C12orf56: variants seen among roughly 807,000 people sequenced by gnomAD.
The protein encoded by C12orf56 is uncharacterized protein C12orf56.
A neutral mutation model predicts 69.9 loss-of-function variants in C12orf56; 71 were observed. The observed-to-expected ratio is 1.02, with a 90% CI of 0.84 to 1.24. C12orf56 has a LOEUF of 1.24. Among genes scored for constraint, C12orf56 ranks in the 50% most tolerant of loss-of-function variants. C12orf56 has a pLI of 0.00. For synonymous variants in C12orf56, 276 were observed against 274.1 expected (o/e 1.01, Z -0.07); for missense variants, 732 against 738.5 (o/e 0.99, Z 0.10).
intron 1 of C12orf56, among the ~76,000 whole-genome samples, chr12:64,387,006 G>A (rs2039800681): frequency 7.3e-6 from 1 of 136,380 alleles, no homozygotes; most frequent in South Asian, 2.4e-4. Context: ...TTGAACCCAG[G>A]AGGCAGAGGT....
chr12:64,333,067 C>A (rs1294582750), intron 2 of C12orf56, among the ~76,000 whole-genome samples: 1 of 152,150 alleles, frequency 6.6e-6, no homozygotes, highest in Non-Finnish European at 1.5e-5. Context: ...CAAATAATGC[C>A]TTTGTATATT....
intron 1 of C12orf56, among the ~76,000 whole-genome samples, chr12:64,367,352 T>C (rs1212832635): frequency 7.0e-6 from 1 of 142,004 alleles, no homozygotes; most frequent in Non-Finnish European, 1.5e-5. Context: ...TATTATATTA[T>C]ATTATATTAT....
intron 1 of C12orf56, among the ~76,000 whole-genome samples, chr12:64,366,364 TTA>T (rs530291256): frequency 5.3e-5 from 3 of 56,410 alleles, no homozygotes; most frequent in African/African-American, 7.3e-5. Context: ...TATATACAGT[TTA>T]TATATATTAT....
intron 8 of C12orf56, among the ~76,000 whole-genome samples, chr12:64,280,732 A>G (rs2038111466): frequency 6.6e-6 from 1 of 152,190 alleles, no homozygotes; most frequent in Admixed American, 6.5e-5. Flanking sequence ...GAAACAAGCC[A>G]CCTGAGTCCC....
intron 2 of C12orf56, among the ~76,000 whole-genome samples, chr12:64,345,169 C>T (rs988330450): frequency 1.1e-4 from 16 of 152,240 alleles, no homozygotes; most frequent in East Asian, 9.6e-4. Flanking sequence ...CAGGGGCCTA[C>T]GGGGACTTTA....
intron 1 of C12orf56, among the ~76,000 whole-genome samples, chr12:64,379,927 CAAAAAAAAAAAAAAAA>C (rs200293677): frequency 1.8e-4 from 21 of 114,098 alleles, no homozygotes; most frequent in South Asian, 5.6e-4. Context: ...ACTAAAAATA[CAAAAAAAAAAAAAAAA>C]AAAAAAAAGT....
intron 2 of C12orf56, among the ~76,000 whole-genome samples, chr12:64,331,825 T>C (rs1050020945): frequency 2.0e-5 from 3 of 152,154 alleles, no homozygotes; most frequent in South Asian, 2.1e-4. Context: ...GTCTAAGGTA[T>C]TTTGTTATAG....
At chr12:64,335,417 CAAAAAAAAAAAAA>C (rs59759648) in intron 2 of C12orf56, among the ~76,000 whole-genome samples, 15 of 98,280 alleles carry the variant, frequency 1.5e-4, no homozygotes, top group Non-Finnish European at 2.4e-4. Context: ...ACTTCATCTC[CAAAAAAAAAAAAA>C]AAAAAAAAAG....
chr12:64,361,613 A>G (rs1275994334), intron 1 of C12orf56, among the ~76,000 whole-genome samples: 1 of 152,134 alleles, frequency 6.6e-6, no homozygotes, highest in Non-Finnish European at 1.5e-5. Context: ...TATAGTCTTA[A>G]AAAGGGAGGA....
chr12:64,284,652 A>G lies in C12orf56; in HGVS notation c.1310+12T>C, dbSNP rs2038175738. 1.9e-6 allele frequency: 3 copies of G among 1,592,118 alleles called. No individual in the cohort carries two copies. ...CAACTACAAGGTCCCAATGTCTTCT[A>G]AAAGACCTTACTTCTTAGCTGCCAA... On this transcript the variant is annotated intron_variant, in intron 8 of 12. Coordinates refer to ENST00000543942, the MANE Select transcript of C12orf56 (RefSeq NM_001170633.2).
chr12:64,285,995 C>A lies in C12orf56; in HGVS notation c.1179G>T (p.Lys393Asn). ...LHEYLPESRDKNALQNQSQRV... is the reference protein window; with the variant it reads ...LHEYLPESRDNNALQNQSQRV... Reference sequence around the variant, plus strand: ...TTTGGCTTTGATTTTGTAGTGCATTCTTATCCCTAGACTCCGGCAAGTACT... The same window carrying A: ...TTTGGCTTTGATTTTGTAGTGCATTATTATCCCTAGACTCCGGCAAGTACT... Residue 393 changes from lysine (K) to asparagine (N), a missense_variant, in exon 7 of 13, where the codon AAG becomes AAT. Coordinates refer to ENST00000543942, the MANE Select transcript of C12orf56 (RefSeq NM_001170633.2). 2 of 1,610,854 alleles carry A rather than the reference C, an allele frequency of 1.2e-6. No individual in the cohort carries two copies. Among genetic ancestry groups the A allele is most frequent in the African/African-American group, 2.7e-5 (2 of 74,778 alleles).
intron 1 of C12orf56, among the ~76,000 whole-genome samples, chr12:64,361,318 C>A (rs1363456828): frequency 6.6e-6 from 1 of 152,126 alleles, no homozygotes; most frequent in Non-Finnish European, 1.5e-5. Context: ...ACCAGAGCAA[C>A]TCCATCTTGA....
intron 2 of C12orf56, chr12:64,338,204 T>G: frequency 3.4e-6 from 2 of 580,088 alleles, no homozygotes; most frequent in Non-Finnish European, 6.7e-6. Flanking sequence ...GCATTTGCCC[T>G]GAACAAGCCC....
At chr12:64,326,396 T>C (rs1267555933) in intron 3 of C12orf56, among the ~76,000 whole-genome samples, 1 of 152,162 alleles carries the variant, frequency 6.6e-6, no homozygotes, top group African/African-American at 2.4e-5. Flanking sequence ...AAAATGGAAA[T>C]CCCACCAAAG....
rs776815643 is a variant in C12orf56 at position 64,306,419 on chromosome 12, GT to G, written c.969-2641del. 3.5e-3 allele frequency among the ~76,000 whole-genome samples: 468 copies of G among 132,852 alleles called. 3 individuals are homozygous for G. The highest frequency in any genetic ancestry group is 8.4e-3 in the African/African-American group (307 of 36,496). The allele number at this position is 132,852 out of a possible 152,430, so 87.2% of individuals were successfully genotyped here. On this transcript the variant is annotated intron_variant, in intron 5 of 12. Coordinates refer to ENST00000543942, the MANE Select transcript of C12orf56 (RefSeq NM_001170633.2). ...CAAAATAGTGTTGCAGGAAGGTTTT[GT>G]TTTTTTTTTTTTTTTTAGACAGAGT...
At chr12:64,332,548 G>C (rs564441117) in intron 2 of C12orf56, among the ~76,000 whole-genome samples, 2 of 152,092 alleles carry the variant, frequency 1.3e-5, no homozygotes, top group Non-Finnish European at 2.9e-5. Flanking sequence ...GATTTCTTCT[G>C]TCCTGATTTC....
intron 1 of C12orf56, among the ~76,000 whole-genome samples, chr12:64,388,089 C>T (rs900967767): frequency 2.6e-5 from 4 of 152,136 alleles, no homozygotes; most frequent in Admixed American, 2.6e-4. Flanking sequence ...CCTGCCTCAG[C>T]CTCCTGAGCA....
chr12:64,267,308 ACAAAATAGAGAG>A lies in C12orf56; in HGVS notation c.1764-32_1764-21del. The A allele has an allele frequency of 6.4e-7, 1 of 1,561,486 alleles. No individual in the cohort carries two copies. The highest frequency in any genetic ancestry group is 1.2e-5 in the South Asian group (1 of 85,926). On this transcript the variant is annotated intron_variant, in intron 12 of 12. Coordinates refer to ENST00000543942, the MANE Select transcript of C12orf56 (RefSeq NM_001170633.2). ...AAGTACCTGCAAATCATAAAAAGAA[ACAAAATAGAGAG>A]TTTTAAAAACAAGAATTTTCACATT...
intron 6 of C12orf56, among the ~76,000 whole-genome samples, chr12:64,293,058 G>C (rs978470707): frequency 1.3e-5 from 2 of 152,088 alleles, no homozygotes; most frequent in South Asian, 2.1e-4. Flanking sequence ...CTCATGGTTC[G>C]CCGCTTTTTA....
Sources: allele counts gnomAD v4.1 joint callset (sites outside exome capture counted in the v4.1 genomes callset), GRCh38; gene constraint gnomAD v4.1.1; transcripts MANE v1.5; gene names NCBI Gene and HGNC (gene_info 2026-07-23, HGNC 2026-07-21).